CTNNA2: variants seen among roughly 807,000 people sequenced by gnomAD.
The protein encoded by CTNNA2 is catenin alpha 2.
A neutral mutation model predicts 101.0 loss-of-function variants in CTNNA2; 42 were observed. The observed-to-expected ratio is 0.42, with a 90% CI of 0.32 to 0.54. CTNNA2 has a LOEUF of 0.54. CTNNA2 is among the 20% of genes least tolerant of loss of function. The pLI is 0.14. For missense variants in CTNNA2, 871 were observed against 1,223.1 expected (o/e 0.71, Z 4.29); for synonymous variants, 450 against 456.4 (o/e 0.99, Z 0.18).
At chr2:80,025,690 T>G (rs1694883892) in intron 7 of CTNNA2, among the ~76,000 whole-genome samples, 1 of 152,126 alleles carries the variant, frequency 6.6e-6, no homozygotes, top group South Asian at 2.1e-4. Context: ...TTGGCAAAGA[T>G]TTCAATATGG....
chr2:79,710,370 G>C (rs1511187), intron 2 of CTNNA2, among the ~76,000 whole-genome samples: 50,318 of 151,978 alleles, frequency 0.33, 10,061 homozygotes, highest in East Asian at 0.6. Context: ...CACTGAATTA[G>C]TGGCTCAAAC....
chr2:80,050,588 A>G (rs1696813678), intron 7 of CTNNA2, among the ~76,000 whole-genome samples: 1 of 152,156 alleles, frequency 6.6e-6, no homozygotes, highest in African/African-American at 2.4e-5. Flanking sequence ...AACCTGAGCA[A>G]GAGTAAACAG....
At chr2:79,773,966 T>C (rs1673778950) in intron 3 of CTNNA2, among the ~76,000 whole-genome samples, 1 of 152,178 alleles carries the variant, frequency 6.6e-6, no homozygotes, top group Non-Finnish European at 1.5e-5. Flanking sequence ...TTTTGGTAGA[T>C]TGTTTTCAGA....
chr2:80,373,000 G>A (rs1394593277), intron 7 of CTNNA2, among the ~76,000 whole-genome samples: 1 of 152,188 alleles, frequency 6.6e-6, no homozygotes, highest in East Asian at 1.9e-4. Context: ...AATGTCAATA[G>A]TGCTGACATT....
At chr2:80,624,411 G>A (rs1453214652) in intron 18 of CTNNA2, among the ~76,000 whole-genome samples, 3 of 151,350 alleles carry the variant, frequency 2.0e-5, no homozygotes, top group Middle Eastern at 3.2e-3. Flanking sequence ...TCTTTTTTTC[G>A]TGAACAACAG....
chr2:79,996,769 T>C (rs1692574041), intron 7 of CTNNA2, among the ~76,000 whole-genome samples: 1 of 151,842 alleles, frequency 6.6e-6, no homozygotes, highest in South Asian at 2.1e-4. Flanking sequence ...TGGAACGTGG[T>C]GATTACAGAC....
At chr2:79,236,330 C>T (rs1288611064) in intron 2 of CTNNA2, among the ~76,000 whole-genome samples, 2 of 152,142 alleles carry the variant, frequency 1.3e-5, no homozygotes, top group East Asian at 1.9e-4. Context: ...AGACAGGTCT[C>T]ACTATATTGC....
chr2:80,311,305 A>G (rs1017530813), intron 7 of CTNNA2, among the ~76,000 whole-genome samples: 1 of 152,212 alleles, frequency 6.6e-6, no homozygotes, highest in African/African-American at 2.4e-5. Flanking sequence ...AAGATTTCAC[A>G]CTTTTCATCC....
At chr2:79,362,477 GGC>G (rs1677653969) in intron 3 of CTNNA2, among the ~76,000 whole-genome samples, 1 of 151,892 alleles carries the variant, frequency 6.6e-6, no homozygotes, top group Admixed American at 6.6e-5. Flanking sequence ...TGGACCAAGG[GGC>G]TACACTGGTA....
chr2:79,765,811 A>G (rs79529952), intron 3 of CTNNA2, among the ~76,000 whole-genome samples: 3,000 of 152,276 alleles, frequency 0.02, 47 homozygotes, highest in Middle Eastern at 0.027. Flanking sequence ...ACTGTGACTA[A>G]TAGTGTATAT....
chr2:79,737,331 G>A (rs1465698495), intron 2 of CTNNA2, among the ~76,000 whole-genome samples: 1 of 150,570 alleles, frequency 6.6e-6, no homozygotes, highest in African/African-American at 2.4e-5. Context: ...CCTGGGCAAC[G>A]GAGTGAGACT....
intron 7 of CTNNA2, among the ~76,000 whole-genome samples, chr2:80,345,845 A>G (rs1246229811): frequency 6.6e-6 from 1 of 152,180 alleles, no homozygotes; most frequent in Non-Finnish European, 1.5e-5. Context: ...TGTTTTCCAC[A>G]CCCAAGAACT....
chr2:79,943,553 A>G (rs1226562924), intron 7 of CTNNA2, among the ~76,000 whole-genome samples: 4 of 152,134 alleles, frequency 2.6e-5, no homozygotes, highest in African/African-American at 7.2e-5. Flanking sequence ...TCTTATCCCC[A>G]TTCCAGACAG....
At chr2:80,162,169 A>G (rs1704365128) in intron 7 of CTNNA2, among the ~76,000 whole-genome samples, 2 of 152,220 alleles carry the variant, frequency 1.3e-5, no homozygotes, top group African/African-American at 4.8e-5. Flanking sequence ...GCTTTATCAT[A>G]CAACTTCACC....
chr2:79,267,078 G>A (rs1284899581), intron 2 of CTNNA2, among the ~76,000 whole-genome samples: 1 of 152,092 alleles, frequency 6.6e-6, no homozygotes, highest in Non-Finnish European at 1.5e-5. Context: ...TGCACTTGAG[G>A]TCTGAGATGA....
At chr2:79,805,845 G>A (rs1016628395) in intron 3 of CTNNA2, among the ~76,000 whole-genome samples, 21 of 152,156 alleles carry the variant, frequency 1.4e-4, no homozygotes, top group Admixed American at 1.4e-3. Flanking sequence ...GGCTGAGGCA[G>A]GAGAATGGCG....
At chr2:80,625,975 AT>A (rs1255156643) in intron 18 of CTNNA2, among the ~76,000 whole-genome samples, 1 of 152,028 alleles carries the variant, frequency 6.6e-6, no homozygotes, top group Admixed American at 6.6e-5. Flanking sequence ...AACCTACAGA[AT>A]TTTTTCCCAA....
chr2:79,438,184 G>T (rs140169159), intron 4 of CTNNA2, among the ~76,000 whole-genome samples: 1 of 152,322 alleles, frequency 6.6e-6, no homozygotes, highest in African/African-American at 2.4e-5. Flanking sequence ...TGGATTTCTT[G>T]TGGGACCCTG....
intron 7 of CTNNA2, among the ~76,000 whole-genome samples, chr2:79,989,981 T>C (rs2103888661): frequency 6.6e-6 from 1 of 152,310 alleles, no homozygotes; most frequent in East Asian, 1.9e-4. Flanking sequence ...GCAGCTGATG[T>C]AATATTTGGA....
Sources: gnomAD v4.1 joint callset for allele counts (sites outside exome capture counted in the v4.1 genomes callset) on GRCh38, gnomAD v4.1.1 for gene constraint, MANE v1.5 for transcripts, NCBI Gene and HGNC (gene_info 2026-07-23, HGNC 2026-07-21) for gene names.